The following MACF1 variants were observed in gnomAD, a reference collection of about 807,000 sequenced individuals.
MACF1 encodes the protein microtubule actin crosslinking factor 1, also known as microtubule-actin cross-linking factor 1.
MACF1 carries 193 observed loss-of-function variants against 854.8 expected under a neutral mutation model. The ratio of observed to expected loss-of-function variants is 0.23; its 90% CI spans 0.20 to 0.25. The LOEUF (loss-of-function observed/expected upper bound fraction) is 0.25, where lower values mean the gene tolerates loss of function less well. Among genes scored for constraint, MACF1 ranks in the 10% least tolerant of loss-of-function variants. The pLI is 1.00. For synonymous variants in MACF1, 3,185 were observed against 3,226.7 expected (o/e 0.99, Z 0.44); for missense variants, 7,722 against 8,929.1 (o/e 0.86, Z 5.45).
intron 2 of MACF1, among the ~76,000 whole-genome samples, chr1:39,234,505 G>A (rs1450574120): frequency 1.1e-5 from 1 of 88,722 alleles, no homozygotes; most frequent in African/African-American, 3.9e-5. Context: ...GGGCAGAGGC[G>A]CCCCTCACCT....
At chr1:39,102,315 C>T (rs991542124) in intron 2 of MACF1, among the ~76,000 whole-genome samples, 5 of 152,018 alleles carry the variant, frequency 3.3e-5, no homozygotes, top group South Asian at 2.1e-4. Context: ...GTGAATTAGA[C>T]GACAAACAGT....
chr1:39,371,458 T>C (rs1056801410), intron 51 of MACF1, among the ~76,000 whole-genome samples: 23 of 152,062 alleles, frequency 1.5e-4, no homozygotes, highest in African/African-American at 5.3e-4. Context: ...CTAAGTAGAT[T>C]GTCAGGGATA....
At position 39,360,868 on chromosome 1, in the gene MACF1, C is replaced by T; in HGVS notation, c.12320C>T (p.Ala4107Val). ...ERSSLLQKAI[A>V]QSQSVQESLE... Reference sequence around the variant, plus strand: ...TCTTCTCTGCTGCAGAAAGCAATTGCCCAATCTCAGAGTGTCCAGGAAAGC... The same window carrying T: ...TCTTCTCTGCTGCAGAAAGCAATTGTCCAATCTCAGAGTGTCCAGGAAAGC... The change falls in exon 48 of 101, where the codon GCC becomes GTC. Residue 4107 changes from alanine (A) to valine (V), a missense_variant. This residue lies in a region of MACF1 where 2,807 missense variants were observed against 3,235.8 expected (regional missense o/e 0.87). Transcript: ENST00000564288. The T allele has an allele frequency of 1.2e-6, 2 of 1,613,948 alleles. No homozygotes were observed. The highest frequency in any genetic ancestry group is 1.7e-6 in the Non-Finnish European group (2 of 1,179,968).
chr1:39,185,246 G>A lies in MACF1; in HGVS notation c.221-45936G>A, dbSNP rs149326177. ...GGTGGAGCTTGCAGTGAGCCGACAT[G>A]GCACCACTGCACTCCAGCCTGGGCG... On this transcript the variant is annotated intron_variant, in intron 2 of 93. Transcript: ENST00000361689. Among the ~76,000 whole-genome samples, 874 of 150,886 alleles carry A rather than the reference G, an allele frequency of 5.8e-3. 10 individuals are homozygous for A. The Middle Eastern group carries it at 0.062, about 11-fold the overall frequency.
chr1:39,145,023 C>T (rs1352113368), intron 2 of MACF1, among the ~76,000 whole-genome samples: 1 of 152,114 alleles, frequency 6.6e-6, no homozygotes, highest in Non-Finnish European at 1.5e-5. Flanking sequence ...CTGGCATTCT[C>T]AGATCTCTTT....
chr1:39,199,347 A>C (rs1415495085), intron 2 of MACF1, among the ~76,000 whole-genome samples: 1 of 151,540 alleles, frequency 6.6e-6, no homozygotes, highest in African/African-American at 2.4e-5. Context: ...GGCATAATAA[A>C]AGTTCAGACA....
chr1:39,172,660 C>CA (rs1643967688), intron 2 of MACF1, among the ~76,000 whole-genome samples: 1 of 152,196 alleles, frequency 6.6e-6, no homozygotes, highest in Non-Finnish European at 1.5e-5. Flanking sequence ...TCTTGTTCAC[C>CA]ACTCTAACAG....
At chr1:39,365,902 C>G (rs1197922797) in intron 49 of MACF1, among the ~76,000 whole-genome samples, 2 of 152,154 alleles carry the variant, frequency 1.3e-5, no homozygotes, top group African/African-American at 4.8e-5. Context: ...TCTCGAACTC[C>G]TGACCTCAAG....
At chr1:39,162,595 A>G (rs974264677) in intron 2 of MACF1, among the ~76,000 whole-genome samples, 9 of 152,126 alleles carry the variant, frequency 5.9e-5, no homozygotes, top group Admixed American at 2.6e-4. Context: ...AGCATATCAC[A>G]TTATGTTTTA....
intron 6 of MACF1, among the ~76,000 whole-genome samples, chr1:39,266,594 C>CTTTT (rs11406070): frequency 0.014 from 786 of 58,130 alleles, 88 homozygotes; most frequent in African/African-American, 0.051. Context: ...TGGTCTTTTC[C>CTTTT]TTTTTTTTTT....
chr1:39,210,595 T>C (rs1189467507), intron 1 of MACF1, among the ~76,000 whole-genome samples: 1 of 152,164 alleles, frequency 6.6e-6, no homozygotes, highest in Admixed American at 6.5e-5. Context: ...GGCTCTAAGC[T>C]CTTGCTCTTC....
Position 39,331,932 on chromosome 1 carries a change from C to G in MACF1, c.5344C>G (p.His1782Asp), listed in dbSNP as rs748378845. ...AGGIVDPRTG[H>D]RLTVEEAVRH... is the part of the protein sequence containing the mutation. ...TGGCATAGTAGATCCAAGAACAGGA[C>G]ACAGACTTACAGTGGAAGAGGCTGT... The change falls in exon 37 of 101, where the codon CAC becomes GAC. Residue 1782 changes from histidine to aspartate, a missense_variant. Around this residue, in one of 15 missense-constraint regions of MACF1, gnomAD observed 1,531 missense variants for 1,601.6 expected, o/e 0.96. Transcript: ENST00000564288. 2.5e-6 allele frequency: 4 copies of G among 1,614,102 alleles called. No individual in the cohort carries two copies. The South Asian group carries it at 4.4e-5, about 18-fold the overall frequency.
intron 1 of MACF1, among the ~76,000 whole-genome samples, chr1:39,223,075 G>A (rs1429698791): frequency 6.6e-6 from 1 of 152,194 alleles, no homozygotes; most frequent in Non-Finnish European, 1.5e-5. Context: ...TAAGAGATGG[G>A]AAAAGCTCCT....
chr1:39,293,463 T>C lies in MACF1; in HGVS notation c.1998T>C (p.Thr666=), dbSNP rs1645837346. ...LETQYCKLKE[T]SSFRMRHLQS... ...ATAATCCTTGCTTTGTCTAGGAAAC[T>C]TCTAGCTTCCGGATGAGGCACCTTC... is the stretch of plus-strand genomic sequence containing the variant. The change falls in exon 18 of 101, where the codon ACT becomes ACC. Residue 666 remains threonine (T), a synonymous_variant. Coordinates refer to ENST00000564288, the MANE Select transcript of MACF1 (RefSeq NM_001394062.1). 1.2e-6 allele frequency: 2 copies of C among 1,611,348 alleles called. No homozygotes were observed. Among genetic ancestry groups the C allele is most frequent in the Non-Finnish European group, 1.7e-6 (2 of 1,178,368 alleles).
At chr1:39,364,262 G>A (rs1037324877) in intron 49 of MACF1, among the ~76,000 whole-genome samples, 2 of 152,046 alleles carry the variant, frequency 1.3e-5, no homozygotes, top group Non-Finnish European at 2.9e-5. Flanking sequence ...TTTCTCTTAT[G>A]AGCGAGGTTG....
chr1:39,171,869 G>A (rs936039671), intron 2 of MACF1, among the ~76,000 whole-genome samples: 9 of 151,702 alleles, frequency 5.9e-5, no homozygotes, highest in African/African-American at 7.3e-5. Context: ...CTCGTGATCC[G>A]CCCGCCTCAG....
chr1:39,310,626 A>G (rs1571315042), intron 25 of MACF1, among the ~76,000 whole-genome samples, 198 bp downstream of exon 25: 1 of 152,252 alleles, frequency 6.6e-6, no homozygotes, highest in Non-Finnish European at 1.5e-5. Flanking sequence ...TATTTCAGTC[A>G]TTACTGCTCA....
At position 39,388,253 on chromosome 1, in the gene MACF1, C is replaced by A. The variant is rs780112842; in HGVS notation, c.15411C>A (p.Asp5137Glu). The change falls in exon 58 of 101, where the codon GAC becomes GAA. Residue 5137 changes from aspartate (D) to glutamate (E), a missense_variant. Transcript: ENST00000564288. The stretch of plus-strand genomic sequence containing the variant: ...GAGAGATGTTCTCTCAATTGGCAGA[C>A]CTGGATGATGAGCTAGATGGCATGG... ...RVREMFSQLA[D>E]LDDELDGMGA... 8.7e-6 allele frequency: 14 copies of A among 1,614,156 alleles called. No individual in the cohort carries two copies. The highest frequency in any genetic ancestry group is 1.1e-5 in the Non-Finnish European group (13 of 1,180,026).
chr1:39,094,488 C>G (rs141878475), intron 2 of MACF1, among the ~76,000 whole-genome samples: 12,395 of 151,688 alleles, frequency 0.082, 563 homozygotes, highest in Non-Finnish European at 0.093. Context: ...TTGGGAGGCC[C>G]AGGCGGGCAG....
Sources: allele counts gnomAD v4.1 joint callset (sites outside exome capture counted in the v4.1 genomes callset), GRCh38; gene constraint gnomAD v4.1.1; regional missense constraint gnomAD v4.1.1; transcripts MANE v1.5; gene names NCBI Gene and HGNC (gene_info 2026-07-23, HGNC 2026-07-21).